The following BZW2 variants were observed in gnomAD, a reference collection of about 807,000 sequenced individuals.
BZW2 encodes basic leucine zipper and W2 domains 2.
In BZW2, 23 loss-of-function variants were observed where a neutral mutation model predicts 53.2. The ratio of observed to expected loss-of-function variants is 0.43; its 90% CI spans 0.31 to 0.61. The LOEUF (loss-of-function observed/expected upper bound fraction) is 0.61. Ranked by LOEUF, BZW2 falls within the 20% of genes least tolerant of loss-of-function variation. The pLI, the probability that BZW2 is intolerant of heterozygous loss-of-function variation, is 0.09. For missense variants in BZW2, 409 were observed against 503.1 expected (o/e 0.81, Z 1.79); for synonymous variants, 227 against 186.4 (o/e 1.22, Z -1.77).
intron 2 of BZW2, among the ~76,000 whole-genome samples, chr7:16,669,531 G>C (rs1233972255): frequency 1.3e-5 from 2 of 152,128 alleles, no homozygotes; most frequent in Non-Finnish European, 2.9e-5. Flanking sequence ...ATATGAGTAT[G>C]TGTATATATA....
chr7:16,686,290 A>G, intron 6 of BZW2: 1 of 428,930 alleles, frequency 2.3e-6, no homozygotes, highest in Non-Finnish European at 4.1e-6. Context: ...ATAGCAAATT[A>G]AAATCTCATG....
At chr7:16,650,089 T>C (rs1781949787) in intron 1 of BZW2, among the ~76,000 whole-genome samples, 1 of 152,214 alleles carries the variant, frequency 6.6e-6, no homozygotes, top group Non-Finnish European at 1.5e-5. Context: ...TTCGCTTATG[T>C]GATTATTCAT....
chr7:16,676,328 C>CA (rs1220794266), intron 3 of BZW2, among the ~76,000 whole-genome samples: 1 of 152,110 alleles, frequency 6.6e-6, no homozygotes, highest in Non-Finnish European at 1.5e-5. Flanking sequence ...GCAGGCAGAT[C>CA]ACCTGAGATC....
At chr7:16,656,197 T>C (rs1158424215) in intron 1 of BZW2, among the ~76,000 whole-genome samples, 7 of 151,468 alleles carry the variant, frequency 4.6e-5, no homozygotes, top group Non-Finnish European at 8.8e-5. Flanking sequence ...GGAATGTGTA[T>C]TGCATTTAGC....
At chr7:16,690,365 C>G (rs187549010) in intron 7 of BZW2, among the ~76,000 whole-genome samples, 1 of 152,160 alleles carries the variant, frequency 6.6e-6, no homozygotes. Context: ...CCACACCCAG[C>G]TAATTTTTGG....
chr7:16,696,726 A>G (rs894039252), intron 8 of BZW2, among the ~76,000 whole-genome samples, 189 bp from the exon 9 acceptor site: 5 of 152,190 alleles, frequency 3.3e-5, no homozygotes, highest in Non-Finnish European at 1.5e-5. Context: ...ACTAAAAATA[A>G]ATTTGCTTTG....
chr7:16,675,805 C>G (rs989385986), intron 3 of BZW2, among the ~76,000 whole-genome samples: 1 of 152,244 alleles, frequency 6.6e-6, no homozygotes, highest in Non-Finnish European at 1.5e-5. Context: ...AGCAGCCGGG[C>G]GTGGTGGCTC....
At chr7:16,704,855 A>C (rs550739629) in intron 11 of BZW2, among the ~76,000 whole-genome samples, 186 bp downstream of exon 11, 1 of 152,370 alleles carries the variant, frequency 6.6e-6, no homozygotes, top group South Asian at 2.1e-4. Flanking sequence ...AAATCTCTAC[A>C]TGTAAAAACA....
At chr7:16,674,767 A>G (rs946022298) in intron 3 of BZW2, among the ~76,000 whole-genome samples, 179 bp downstream of exon 3, 1 of 152,182 alleles carries the variant, frequency 6.6e-6, no homozygotes, top group African/African-American at 2.4e-5. Flanking sequence ...CAGATGTGAA[A>G]TGATTATTGG....
At chr7:16,673,153 A>T (rs1481102632) in intron 2 of BZW2, among the ~76,000 whole-genome samples, 1 of 151,962 alleles carries the variant, frequency 6.6e-6, no homozygotes, top group East Asian at 1.9e-4. Flanking sequence ...TCACCACGTT[A>T]GCCAGGATGG....
At chr7:16,696,585 A>G (rs1464771398) in intron 8 of BZW2, among the ~76,000 whole-genome samples, 2 of 152,200 alleles carry the variant, frequency 1.3e-5, no homozygotes, top group African/African-American at 4.8e-5. Flanking sequence ...TAAATCTCCA[A>G]AAAGTCAAAC....
intron 5 of BZW2, among the ~76,000 whole-genome samples, chr7:16,684,500 A>G (rs1783054257): frequency 6.6e-6 from 1 of 152,196 alleles, no homozygotes; most frequent in Admixed American, 6.5e-5. Context: ...TACCATTTCT[A>G]TGTGATTAAG....
At chr7:16,660,958 G>A (rs1253609801) in intron 1 of BZW2, among the ~76,000 whole-genome samples, 1 of 152,152 alleles carries the variant, frequency 6.6e-6, no homozygotes, top group African/African-American at 2.4e-5. Context: ...CTTTCACACT[G>A]TAACAGCAGA....
At chr7:16,695,294 C>A (rs1417854123) in intron 8 of BZW2, among the ~76,000 whole-genome samples, 1 of 152,194 alleles carries the variant, frequency 6.6e-6, no homozygotes, top group African/African-American at 2.4e-5. Flanking sequence ...AGAGATTTGA[C>A]CATCCACTAT....
intron 4 of BZW2, among the ~76,000 whole-genome samples, chr7:16,681,713 T>A (rs1782951476): frequency 6.6e-6 from 1 of 152,126 alleles, no homozygotes; most frequent in Admixed American, 6.6e-5. Flanking sequence ...GTGCCTGTAA[T>A]CCCAGCTACT....
At chr7:16,652,744 C>T (rs976035443) in intron 1 of BZW2, among the ~76,000 whole-genome samples, 5 of 152,124 alleles carry the variant, frequency 3.3e-5, no homozygotes, top group African/African-American at 7.2e-5. Flanking sequence ...AGGCTGGTTT[C>T]GAACACCTGA....
chr7:16,669,119 A>G (rs954415074), intron 2 of BZW2, among the ~76,000 whole-genome samples: 2 of 152,120 alleles, frequency 1.3e-5, no homozygotes, highest in Non-Finnish European at 1.5e-5. Context: ...TTAGCTCTGT[A>G]AATAATGTTT....
At position 16,679,071 on chromosome 7, in the gene BZW2, T is replaced by C. The variant is rs532825613; in HGVS notation, c.236-2230T>C. ...ATAAATATCTTAACAGGAAACAGGG[T>C]TTGAGAGCAGACACAACTGGTCTGA... On this transcript the variant is annotated intron_variant, in intron 3 of 11. Transcript: ENST00000258761. 9.2e-5 allele frequency among the ~76,000 whole-genome samples: 14 copies of C among 152,108 alleles called. No homozygotes were observed. The East Asian group carries it at 2.5e-3, about 27-fold the overall frequency.
At chr7:16,661,144 A>T (rs1219923346) in intron 1 of BZW2, 1 of 152,178 alleles carries the variant, frequency 6.6e-6, no homozygotes, top group East Asian at 1.9e-4. Context: ...AAGGCAGGTT[A>T]TCATAGTTCA....
Sources: gnomAD v4.1 joint callset for allele counts (sites outside exome capture counted in the v4.1 genomes callset) on GRCh38, gnomAD v4.1.1 for gene constraint, MANE v1.5 for transcripts, NCBI Gene and HGNC (gene_info 2026-07-23, HGNC 2026-07-21) for gene names.